Variants in CGNL1 observed in about 807,000 individuals in gnomAD.
CGNL1 encodes the protein cingulin like 1, also known as cingulin-like protein 1.
In CGNL1, 132 loss-of-function variants were observed where a neutral mutation model predicts 141.2. That is an observed-to-expected ratio of 0.93 (90% CI 0.81 to 1.08). CGNL1 has a LOEUF of 1.08. CGNL1 is among the 50% of genes least tolerant of loss of function. CGNL1 has a pLI of 0.00. For synonymous variants in CGNL1, 690 were observed against 622.1 expected (o/e 1.11, Z -1.63); for missense variants, 1,870 against 1,588.6 (o/e 1.18, Z -3.01).
chr15:57,380,415 C>T (rs73421409), intron 1 of CGNL1, among the ~76,000 whole-genome samples: 4,806 of 152,138 alleles, frequency 0.032, 253 homozygotes, highest in African/African-American at 0.11. Context: ...CCTTAAGGGG[C>T]CTGAGTCAGG....
At chr15:57,376,818 C>G (rs910572668) in intron 1 of CGNL1, 2 of 152,376 alleles carry the variant, frequency 1.3e-5, no homozygotes, top group Non-Finnish European at 2.9e-5. Flanking sequence ...CCTGGGGAAC[C>G]CGCTTCGGGG....
In CGNL1 at chr15:57,547,351, G is replaced by T. The variant is rs375650458; in HGVS notation, c.3774-4G>T. On this transcript the variant is annotated splice_polypyrimidine_tract_variant and splice_region_variant and intron_variant, in intron 18 of 18. Coordinates refer to ENST00000281282, the MANE Select transcript of CGNL1 (RefSeq NM_032866.5). ...AGGAAACATGCCCCTTGTCATTTCA[G>T]CAGACTGAAGAAGCTGCCGAGTAAA... 1.3e-4 allele frequency: 203 copies of T among 1,613,874 alleles called. No homozygotes were observed. Among genetic ancestry groups the T allele is most frequent in the Non-Finnish European group, 1.7e-4 (195 of 1,179,954 alleles).
At chr15:57,451,345 A>T (rs2063319476) in intron 4 of CGNL1, among the ~76,000 whole-genome samples, 155 bp from the exon 5 acceptor site, 1 of 152,186 alleles carries the variant, frequency 6.6e-6, no homozygotes, top group African/African-American at 2.4e-5. Flanking sequence ...CAAGTCAGGG[A>T]AGGTTCCCTG....
At chr15:57,412,697 C>T (rs1487564030) in intron 1 of CGNL1, among the ~76,000 whole-genome samples, 1 of 152,152 alleles carries the variant, frequency 6.6e-6, no homozygotes. Context: ...GTCCCTGGCA[C>T]ATCTACTCTT....
intron 1 of CGNL1, among the ~76,000 whole-genome samples, chr15:57,390,471 T>A (rs2062530367): frequency 6.6e-6 from 1 of 152,224 alleles, no homozygotes; most frequent in Non-Finnish European, 1.5e-5. Context: ...TGAGGAAGTA[T>A]ACCTGGCCAG....
chr15:57,379,485 A>G (rs985941747), intron 1 of CGNL1, among the ~76,000 whole-genome samples: 1 of 152,192 alleles, frequency 6.6e-6, no homozygotes, highest in East Asian at 1.9e-4. Flanking sequence ...TCTTTGTTTA[A>G]TTTGCTTGTG....
intron 8 of CGNL1, among the ~76,000 whole-genome samples, chr15:57,475,903 C>T (rs2063650616): frequency 6.6e-6 from 1 of 152,130 alleles, no homozygotes. Flanking sequence ...GGTCAGATGA[C>T]ATCTCCTTCT....
intron 1 of CGNL1, among the ~76,000 whole-genome samples, chr15:57,420,338 G>A (rs11071315): frequency 0.27 from 40,708 of 152,104 alleles, 5,602 homozygotes; most frequent in East Asian, 0.43. Context: ...ACACTAGCCT[G>A]TGTATATAGA....
intron 8 of CGNL1, among the ~76,000 whole-genome samples, chr15:57,499,997 C>G (rs996239363): frequency 7.9e-5 from 12 of 152,106 alleles, no homozygotes; most frequent in South Asian, 4.1e-4. Context: ...ACCATCTTGG[C>G]TAGGTCATTC....
In CGNL1 at chr15:57,451,621, T is replaced by G. The variant is rs1335115444; in HGVS notation, c.1905+20T>G. On this transcript the variant is annotated intron_variant, in intron 5 of 18. Coordinates refer to ENST00000281282, the MANE Select transcript of CGNL1 (RefSeq NM_032866.5). ...GTCAAGGTATCTGGTTTTTCCTTTATGTTATTTTTTCCATTTCTGTCTTGG... is the reference window on the plus strand; with the variant it reads ...GTCAAGGTATCTGGTTTTTCCTTTAGGTTATTTTTTCCATTTCTGTCTTGG... The G allele has an allele frequency of 1.4e-5, 21 of 1,540,588 alleles. No homozygotes were observed. Among genetic ancestry groups the G allele is most frequent in the African/African-American group, 2.7e-5 (2 of 72,884 alleles).
intron 7 of CGNL1, among the ~76,000 whole-genome samples, chr15:57,458,244 C>T (rs1415658271): frequency 2.0e-5 from 3 of 152,116 alleles, no homozygotes; most frequent in African/African-American, 7.2e-5. Flanking sequence ...GCAAGTTGAC[C>T]TCTAATGGAT....
intron 1 of CGNL1, among the ~76,000 whole-genome samples, chr15:57,415,874 G>C (rs1415293811): frequency 6.6e-6 from 1 of 152,172 alleles, no homozygotes; most frequent in Non-Finnish European, 1.5e-5. Flanking sequence ...AGGGAACAAG[G>C]TTAGTTTCTC....
chr15:57,415,034 G>A (rs1427074059), intron 1 of CGNL1, among the ~76,000 whole-genome samples: 1 of 152,210 alleles, frequency 6.6e-6, no homozygotes, highest in Non-Finnish European at 1.5e-5. Flanking sequence ...GATGAATGGT[G>A]TCTTATGGAA....
intron 1 of CGNL1, among the ~76,000 whole-genome samples, chr15:57,393,287 AATG>A (rs2062563076): frequency 6.6e-6 from 1 of 152,202 alleles, no homozygotes; most frequent in African/African-American, 2.4e-5. Flanking sequence ...TTATTCAGAC[AATG>A]ATAATATCGT....
chr15:57,521,536 G>T (rs959085324), intron 10 of CGNL1, among the ~76,000 whole-genome samples: 11 of 152,170 alleles, frequency 7.2e-5, no homozygotes, highest in Admixed American at 2.0e-4. Flanking sequence ...TCTCTCCCTT[G>T]CCTTTACGGA....
intron 1 of CGNL1, among the ~76,000 whole-genome samples, chr15:57,429,087 T>G (rs191542797): frequency 6.6e-6 from 1 of 152,266 alleles, no homozygotes; most frequent in African/African-American, 2.4e-5. Flanking sequence ...AAGCTTCTTT[T>G]GTTGGGTACT....
intron 1 of CGNL1, among the ~76,000 whole-genome samples, chr15:57,419,014 G>C (rs563614309): frequency 6.6e-6 from 1 of 151,528 alleles, no homozygotes. Flanking sequence ...TGCAACCTCC[G>C]CCTCCCGGAT....
At chr15:57,421,485 T>C (rs2062914247) in intron 1 of CGNL1, among the ~76,000 whole-genome samples, 1 of 152,124 alleles carries the variant, frequency 6.6e-6, no homozygotes, top group Non-Finnish European at 1.5e-5. Flanking sequence ...GTAATGTTCT[T>C]GGTGGTGCAT....
intron 1 of CGNL1, among the ~76,000 whole-genome samples, chr15:57,405,369 C>G (rs2062704323): frequency 6.6e-6 from 1 of 152,218 alleles, no homozygotes; most frequent in Admixed American, 6.5e-5. Flanking sequence ...TCCCATCACT[C>G]TGGCATTGAC....
Sources: allele counts gnomAD v4.1 joint callset (sites outside exome capture counted in the v4.1 genomes callset), GRCh38; gene constraint gnomAD v4.1.1; transcripts MANE v1.5; gene names NCBI Gene and HGNC (gene_info 2026-07-23, HGNC 2026-07-21).